Variants in FIG4 observed in about 807,000 individuals in gnomAD.
FIG4 encodes FIG4 phosphoinositide 5-phosphatase.
FIG4 carries 112 observed loss-of-function variants against 118.6 expected under a neutral mutation model. The ratio of observed to expected loss-of-function variants is 0.94; its 90% CI spans 0.81 to 1.11. FIG4 has a LOEUF of 1.11. Among genes scored for constraint, FIG4 ranks in the 50% least tolerant of loss-of-function variants. The pLI, the probability that FIG4 is intolerant of heterozygous loss-of-function variation, is 0.00. For synonymous variants in FIG4, 369 were observed against 381.2 expected (o/e 0.97, Z 0.37); for missense variants, 969 against 1,111.7 (o/e 0.87, Z 1.83).
At chr6:109,715,051 A>G (rs1001521800) in intron 1 of FIG4, 27 bp from the exon 2 acceptor site, 1 of 1,315,520 alleles carries the variant, frequency 7.6e-7, no homozygotes, top group Non-Finnish European at 1.1e-6. Flanking sequence ...GCTTTGATAA[A>G]CTAATGACAT....
chr6:109,797,633 C>T (rs1267084157), intron 22 of FIG4, among the ~76,000 whole-genome samples: 3 of 152,014 alleles, frequency 2.0e-5, no homozygotes, highest in South Asian at 2.1e-4. Flanking sequence ...TGGTAGCTCA[C>T]GCCTGTAATC....
chr6:109,767,746 C>T (rs534014806), intron 15 of FIG4, among the ~76,000 whole-genome samples: 1 of 152,206 alleles, frequency 6.6e-6, no homozygotes, highest in Admixed American at 6.5e-5. Flanking sequence ...GTGATGGGGG[C>T]CTGTAGTCCC....
intron 15 of FIG4, among the ~76,000 whole-genome samples, chr6:109,772,586 A>G (rs1329179318): frequency 6.6e-6 from 1 of 152,086 alleles, no homozygotes; most frequent in Non-Finnish European, 1.5e-5. Flanking sequence ...CCTTCCGAGT[A>G]GCTGGCATTA....
chr6:109,765,668 T>C (rs895149700), intron 14 of FIG4, among the ~76,000 whole-genome samples: 1 of 152,178 alleles, frequency 6.6e-6, no homozygotes, highest in Non-Finnish European at 1.5e-5. Flanking sequence ...TTAAAACAAA[T>C]CCAGATGGCA....
intron 22 of FIG4, among the ~76,000 whole-genome samples, chr6:109,820,528 G>A (rs1583779523): frequency 6.6e-6 from 1 of 152,238 alleles, no homozygotes; most frequent in East Asian, 1.9e-4. Flanking sequence ...CTGGGAAAGA[G>A]CTTCTCTGAG....
chr6:109,707,472 C>T (rs1350480147), intron 1 of FIG4, among the ~76,000 whole-genome samples: 1 of 149,372 alleles, frequency 6.7e-6, no homozygotes, highest in Non-Finnish European at 1.5e-5. Context: ...CATATATATA[C>T]TTAATAGTAA....
intron 3 of FIG4, among the ~76,000 whole-genome samples, chr6:109,717,856 A>C (rs1166951776): frequency 6.6e-6 from 1 of 152,140 alleles, no homozygotes; most frequent in Non-Finnish European, 1.5e-5. Flanking sequence ...CCAGCACCTT[A>C]TTTTGAGTCT....
intron 1 of FIG4, 114 bp from the exon 2 acceptor site, chr6:109,714,964 T>C (rs1775382284): frequency 1.6e-6 from 1 of 624,776 alleles, no homozygotes; most frequent in Non-Finnish European, 2.8e-6. Flanking sequence ...GAAATATTTC[T>C]TTAAAAAGTA....
Position 109,792,659 on chromosome 6 carries a change from T to C in FIG4, c.2454T>C (p.Tyr818=). ...TCTCAGAAGAAGATTTCTCCATTTATTCAAGGTGAGATACTTTCATGTAGA... is the reference window on the plus strand; with the variant it reads ...TCTCAGAAGAAGATTTCTCCATTTACTCAAGGTGAGATACTTTCATGTAGA... ...DGLSEEDFSI[Y]SRFVQLGQSQ... The change falls in exon 21 of 23, where the codon TAT becomes TAC. Residue 818 remains tyrosine, a synonymous_variant. Coordinates refer to ENST00000230124, the MANE Select transcript of FIG4 (RefSeq NM_014845.6). 2.6e-6 allele frequency: 4 copies of C among 1,547,988 alleles called. No individual in the cohort carries two copies. Among genetic ancestry groups the C allele is most frequent in the Non-Finnish European group, 3.6e-6 (4 of 1,120,110 alleles).
chr6:109,814,447 A>AT (rs76859106), intron 22 of FIG4, among the ~76,000 whole-genome samples: 5,525 of 150,912 alleles, frequency 0.037, 117 homozygotes, highest in East Asian at 0.05. Flanking sequence ...TGGCCTAATG[A>AT]TTTTTTTTTT....
At chr6:109,745,440 T>G (rs1436668099) in intron 10 of FIG4, among the ~76,000 whole-genome samples, 2 of 152,208 alleles carry the variant, frequency 1.3e-5, no homozygotes, top group South Asian at 4.1e-4. Context: ...TATAAATGTC[T>G]TCTTTTGAGA....
chr6:109,739,412 A>C (rs1438972045), intron 7 of FIG4, among the ~76,000 whole-genome samples: 1 of 152,134 alleles, frequency 6.6e-6, no homozygotes. Context: ...TTTTGCATTC[A>C]GCATGTTTTC....
intron 14 of FIG4, among the ~76,000 whole-genome samples, chr6:109,765,728 A>G (rs1310822855): frequency 1.3e-5 from 2 of 152,260 alleles, no homozygotes; most frequent in African/African-American, 2.4e-5. Context: ...TCTAAGATGT[A>G]TAAAAGATTG....
intron 14 of FIG4, 150 bp from the exon 15 acceptor site, chr6:109,766,579 C>T (rs1373533730): frequency 5.8e-6 from 4 of 684,934 alleles, no homozygotes; most frequent in African/African-American, 1.8e-5. Flanking sequence ...AATATATTAG[C>T]GTTTGCATTT....
chr6:109,788,263 A>G (rs780374773), intron 18 of FIG4, among the ~76,000 whole-genome samples: 7 of 152,198 alleles, frequency 4.6e-5, no homozygotes, highest in South Asian at 2.1e-4. Flanking sequence ...CAACAGCACT[A>G]TAGCTCATGC....
intron 22 of FIG4, among the ~76,000 whole-genome samples, chr6:109,818,761 T>C (rs933773712): frequency 1.3e-5 from 2 of 152,196 alleles, no homozygotes; most frequent in African/African-American, 4.8e-5. Flanking sequence ...ACATCACCTG[T>C]GCCACTAATC....
At chr6:109,817,409 C>G (rs1057212583) in intron 22 of FIG4, among the ~76,000 whole-genome samples, 1 of 152,058 alleles carries the variant, frequency 6.6e-6, no homozygotes, top group Non-Finnish European at 1.5e-5. Context: ...ATGTGTCCAG[C>G]ATATGGGAGG....
chr6:109,706,934 G>A (rs1348522545), intron 1 of FIG4, among the ~76,000 whole-genome samples: 3 of 152,054 alleles, frequency 2.0e-5, no homozygotes, highest in Admixed American at 2.0e-4. Context: ...TCCTCTCAGT[G>A]GTGGGTAGGG....
In FIG4 at chr6:109,778,921, T is replaced by C. The variant is rs145669210; in HGVS notation, c.1889+1861T>C. 3.7e-4 allele frequency among the ~76,000 whole-genome samples: 56 copies of C among 152,336 alleles called. 1 individual carries two copies. In the East Asian group the frequency reaches 0.01, roughly 28 times the overall value. ...GCTTCTTGCAGCTGTTATTAAGTTC[T>C]GTGTTGCTTCAGGAATATTTAAAAT... On this transcript the variant is annotated intron_variant, in intron 16 of 22. Coordinates refer to ENST00000230124, the MANE Select transcript of FIG4 (RefSeq NM_014845.6).
Sources: gnomAD v4.1 joint callset for allele counts (sites outside exome capture counted in the v4.1 genomes callset) on GRCh38, gnomAD v4.1.1 for gene constraint, MANE v1.5 for transcripts, NCBI Gene and HGNC (gene_info 2026-07-23, HGNC 2026-07-21) for gene names.